The following RGS7 variants were observed in gnomAD, a reference collection of about 807,000 sequenced individuals.
RGS7 encodes regulator of G protein signaling 7, also known as regulator of G-protein signaling 7.
A neutral mutation model predicts 81.1 loss-of-function variants in RGS7; 27 were observed. The ratio of observed to expected loss-of-function variants is 0.33; its 90% CI spans 0.25 to 0.46. The LOEUF (loss-of-function observed/expected upper bound fraction) is 0.46, where lower values mean the gene tolerates loss of function less well. Among genes scored for constraint, RGS7 ranks in the 20% least tolerant of loss-of-function variants. The pLI is 1.00. For synonymous variants in RGS7, 208 were observed against 207.7 expected (o/e 1.00, Z -0.01); for missense variants, 396 against 607.4 (o/e 0.65, Z 3.66).
intron 3 of RGS7, among the ~76,000 whole-genome samples, chr1:241,044,958 TCTC>T (rs1301793178): frequency 1.3e-5 from 2 of 152,222 alleles, no homozygotes; most frequent in African/African-American, 4.8e-5. Context: ...TTCTCAGTCT[TCTC>T]CTTCCTATCA....
chr1:241,351,190 G>A (rs530130034), intron 2 of RGS7, among the ~76,000 whole-genome samples: 15 of 151,942 alleles, frequency 9.9e-5, no homozygotes, highest in African/African-American at 2.7e-4. Context: ...AGGCTGAGGC[G>A]GAAGGATGGC....
chr1:241,100,460 G>A (rs562554027), intron 2 of RGS7, among the ~76,000 whole-genome samples: 5 of 151,828 alleles, frequency 3.3e-5, no homozygotes, highest in African/African-American at 7.3e-5. Context: ...TGGTATCAAC[G>A]GATGTATTAC....
At chr1:241,318,821 AT>A (rs2081043693) in intron 2 of RGS7, among the ~76,000 whole-genome samples, 1 of 152,218 alleles carries the variant, frequency 6.6e-6, no homozygotes, top group Non-Finnish European at 1.5e-5. Context: ...ATAAGCAAAA[AT>A]GATCAACATT....
intron 3 of RGS7, among the ~76,000 whole-genome samples, chr1:240,987,316 C>T: frequency 6.6e-6 from 1 of 152,078 alleles, no homozygotes; most frequent in Non-Finnish European, 1.5e-5. Context: ...CTCTTAATCA[C>T]CATAGAAGGT....
rs560032958 is a variant in RGS7 at position 241,013,814 on chromosome 1, G to T, written c.176-30685C>A. On this transcript the variant is annotated intron_variant, in intron 3 of 18. Coordinates refer to ENST00000440928, the MANE Select transcript of RGS7 (RefSeq NM_001364886.1). The stretch of plus-strand genomic sequence containing the variant: ...CCTATCTCCATTGTCTTAGTGTTAG[G>T]CTACATAATTAAAATGACTCCACCA... 5.9e-5 allele frequency among the ~76,000 whole-genome samples: 9 copies of T among 152,304 alleles called. No individual in the cohort carries two copies. In the South Asian group the frequency reaches 1.9e-3, roughly 32 times the overall value.
intron 18 of RGS7, among the ~76,000 whole-genome samples, chr1:240,778,362 T>C (rs1197426369): frequency 6.6e-6 from 1 of 152,236 alleles, no homozygotes; most frequent in Non-Finnish European, 1.5e-5. Flanking sequence ...AATAATTCCA[T>C]AATCAACCTG....
rs180708773 is a variant in RGS7 at position 241,131,576 on chromosome 1, A to C, written c.79-32814T>G. Among the ~76,000 whole-genome samples, 179 of 152,052 alleles carry C rather than the reference A, an allele frequency of 1.2e-3. 2 individuals are homozygous for C. The highest frequency in any genetic ancestry group is 4.2e-3 in the African/African-American group (174 of 41,332). On this transcript the variant is annotated intron_variant, in intron 2 of 18. Transcript: ENST00000440928. Reference sequence around the variant, plus strand: ...GGTGTAAGAAAGATATTCTTTTTAGATATATGTCTGGGAGCTGGGGGCAAA... The same window carrying C: ...GGTGTAAGAAAGATATTCTTTTTAGCTATATGTCTGGGAGCTGGGGGCAAA...
At chr1:241,106,896 C>CTTT (rs543251900) in intron 2 of RGS7, among the ~76,000 whole-genome samples, 4 of 143,910 alleles carry the variant, frequency 2.8e-5, no homozygotes, top group Non-Finnish European at 4.6e-5. Flanking sequence ...GACGTTTCTG[C>CTTT]TTTTTTTTTT....
intron 2 of RGS7, among the ~76,000 whole-genome samples, chr1:241,304,812 T>C (rs548637934): frequency 1.3e-5 from 2 of 152,314 alleles, no homozygotes; most frequent in Admixed American, 1.3e-4. Context: ...ACATATGTGA[T>C]GTTTGAGGAA....
chr1:241,283,773 T>C (rs1377677738), intron 2 of RGS7, among the ~76,000 whole-genome samples: 1 of 152,160 alleles, frequency 6.6e-6, no homozygotes, highest in Non-Finnish European at 1.5e-5. Context: ...AGATCTTTAA[T>C]TGTAGTCCCA....
intron 3 of RGS7, among the ~76,000 whole-genome samples, chr1:240,987,657 G>A (rs1685875045): frequency 6.6e-6 from 1 of 151,800 alleles, no homozygotes; most frequent in Admixed American, 6.6e-5. Context: ...CCAAGTAGCT[G>A]GGATTACAGG....
At chr1:241,126,672 C>G (rs1232718314) in intron 2 of RGS7, among the ~76,000 whole-genome samples, 1 of 152,184 alleles carries the variant, frequency 6.6e-6, no homozygotes. Context: ...TGAGTTTACC[C>G]CTCCTACCTC....
Position 241,010,185 on chromosome 1 carries a change from A to T in RGS7, c.176-27056T>A, listed in dbSNP as rs76669470. 3.2e-3 allele frequency among the ~76,000 whole-genome samples: 486 copies of T among 152,160 alleles called. 6 individuals are homozygous for T. The highest frequency in any genetic ancestry group is 0.011 in the African/African-American group (452 of 41,502). On this transcript the variant is annotated intron_variant, in intron 3 of 18. Transcript: ENST00000440928. ...GTACCCTACAACTTAAAGTATAATTAAAAAAAAGAAAAGAAACATGGTATG... is the reference window on the plus strand; with the variant it reads ...GTACCCTACAACTTAAAGTATAATTTAAAAAAAGAAAAGAAACATGGTATG...
chr1:240,924,501 G>C (rs1397729800), intron 6 of RGS7, among the ~76,000 whole-genome samples: 1 of 152,068 alleles, frequency 6.6e-6, no homozygotes, highest in Non-Finnish European at 1.5e-5. Context: ...TTCTTATGTG[G>C]GGAACAAATT....
chr1:241,017,785 C>T (rs554643684), intron 3 of RGS7, among the ~76,000 whole-genome samples: 1 of 152,142 alleles, frequency 6.6e-6, no homozygotes, highest in East Asian at 1.9e-4. Flanking sequence ...ATAGGATAAG[C>T]CTAAGGTTTT....
chr1:240,857,450 G>A (rs552279320), intron 9 of RGS7, among the ~76,000 whole-genome samples: 1 of 152,042 alleles, frequency 6.6e-6, no homozygotes, highest in South Asian at 2.1e-4. Flanking sequence ...CACTGTATAG[G>A]CTGTGATAAA....
At chr1:241,252,892 T>C (rs2076901309) in intron 2 of RGS7, among the ~76,000 whole-genome samples, 1 of 152,186 alleles carries the variant, frequency 6.6e-6, no homozygotes, top group African/African-American at 2.4e-5. Flanking sequence ...GCCCCCCTTA[T>C]CCTCGGACTT....
intron 2 of RGS7, among the ~76,000 whole-genome samples, chr1:241,192,159 G>GGGGTGTGTGT (rs1553279710): frequency 8.2e-6 from 1 of 121,934 alleles, no homozygotes; most frequent in Non-Finnish European, 1.7e-5. Flanking sequence ...AGAGAAAACA[G>GGGGTGTGTGT]GTGTGTGTGT....
intron 3 of RGS7, among the ~76,000 whole-genome samples, chr1:240,995,828 T>A (rs189779969): frequency 9.3e-4 from 141 of 152,156 alleles, no homozygotes; most frequent in Non-Finnish European, 1.6e-3. Flanking sequence ...ATTTATGCTC[T>A]TTATTATTTT....
Sources: gnomAD v4.1 joint callset for allele counts (sites outside exome capture counted in the v4.1 genomes callset) on GRCh38, gnomAD v4.1.1 for gene constraint, MANE v1.5 for transcripts, NCBI Gene and HGNC (gene_info 2026-07-23, HGNC 2026-07-21) for gene names.